Variants in NEGR1 observed in about 807,000 individuals in gnomAD.
The protein encoded by NEGR1 is neuronal growth regulator 1.
A neutral mutation model predicts 40.9 loss-of-function variants in NEGR1; 10 were observed. That is an observed-to-expected ratio of 0.24 (90% CI 0.15 to 0.42). NEGR1 has a LOEUF of 0.42. NEGR1 is among the 10% of genes least tolerant of loss of function. The pLI is 1.00. For missense variants in NEGR1, 352 were observed against 438.9 expected, an observed-to-expected ratio of 0.80 and a Z score of 1.77; for synonymous variants, 185 against 166.8, an observed-to-expected ratio of 1.11 and a Z score of -0.84.
intron 1 of NEGR1, among the ~76,000 whole-genome samples, chr1:72,089,231 A>G (rs974742375): frequency 1.3e-5 from 2 of 152,108 alleles, no homozygotes; most frequent in Admixed American, 1.3e-4. Context: ...CCATGATGGA[A>G]CCACTAGCTA....
At chr1:72,134,407 T>G (rs533301964) in intron 1 of NEGR1, among the ~76,000 whole-genome samples, 1 of 152,006 alleles carries the variant, frequency 6.6e-6, no homozygotes, top group Non-Finnish European at 1.5e-5. Context: ...GGTTTCACCG[T>G]GTTAGCCAGG....
At chr1:71,916,819 C>G (rs1490495416) in intron 2 of NEGR1, among the ~76,000 whole-genome samples, 1 of 152,108 alleles carries the variant, frequency 6.6e-6, no homozygotes, top group East Asian at 1.9e-4. Flanking sequence ...GTGCATAGTA[C>G]TCTAACTTAT....
chr1:71,932,211 A>AT (rs1276540781), intron 2 of NEGR1, among the ~76,000 whole-genome samples: 1 of 152,006 alleles, frequency 6.6e-6, no homozygotes, highest in Non-Finnish European at 1.5e-5. Flanking sequence ...GTTATAAAAT[A>AT]TTTTTCTTTT....
At chr1:71,582,119 A>G (rs1326558153) in intron 6 of NEGR1, among the ~76,000 whole-genome samples, 2 of 152,206 alleles carry the variant, frequency 1.3e-5, no homozygotes, top group African/African-American at 4.8e-5. Context: ...ACATTTTTGC[A>G]AGGTATACAA....
chr1:71,663,312 C>T (rs908982728), intron 4 of NEGR1, among the ~76,000 whole-genome samples: 31 of 151,996 alleles, frequency 2.0e-4, no homozygotes, highest in Admixed American at 5.2e-4. Context: ...CATATTATTG[C>T]AGCTTCTACA....
chr1:71,716,954 C>G lies in NEGR1; in HGVS notation c.536-18815G>C, dbSNP rs142509740. Among the ~76,000 whole-genome samples, 470 of 152,250 alleles carry G rather than the reference C, an allele frequency of 3.1e-3. 1 individual carries two copies. The highest frequency in any genetic ancestry group is 0.011 in the African/African-American group (450 of 41,546). ...AAACTGGGGAAGAACTGCCTCCCCCCACCATCCAACACACACACCTTGTTC... is the reference window on the plus strand; with the variant it reads ...AAACTGGGGAAGAACTGCCTCCCCCGACCATCCAACACACACACCTTGTTC... On this transcript the variant is annotated intron_variant, in intron 3 of 6. Transcript: ENST00000357731.
chr1:71,563,655 C>T (rs1408808403), intron 6 of NEGR1, among the ~76,000 whole-genome samples: 4 of 151,680 alleles, frequency 2.6e-5, no homozygotes, highest in Non-Finnish European at 4.4e-5. Flanking sequence ...ATTTTTTTGT[C>T]GTTGTTATAT....
chr1:71,656,388 A>ATTGT (rs890008166), intron 4 of NEGR1, among the ~76,000 whole-genome samples: 1 of 151,830 alleles, frequency 6.6e-6, no homozygotes, highest in Non-Finnish European at 1.5e-5. Context: ...GGCTTTTTAC[A>ATTGT]TTGTTTGTTT....
intron 4 of NEGR1, among the ~76,000 whole-genome samples, chr1:71,647,307 C>G (rs565597748): frequency 6.6e-6 from 1 of 151,684 alleles, no homozygotes; most frequent in Non-Finnish European, 1.5e-5. Context: ...TTTTTCCAGC[C>G]CAGGGGTCCT....
chr1:71,615,678 A>G (rs1335668557), intron 4 of NEGR1, among the ~76,000 whole-genome samples: 1 of 152,196 alleles, frequency 6.6e-6, no homozygotes, highest in Non-Finnish European at 1.5e-5. Flanking sequence ...CAGATTCTAT[A>G]GGGTCTAGTA....
chr1:72,016,608 G>T (rs1431659329), intron 1 of NEGR1, among the ~76,000 whole-genome samples: 4 of 152,174 alleles, frequency 2.6e-5, no homozygotes, highest in African/African-American at 4.8e-5. Flanking sequence ...ACCCTTAAAT[G>T]CTGAGATCTT....
At chr1:71,587,803 A>G (rs1385328150) in intron 6 of NEGR1, among the ~76,000 whole-genome samples, 1 of 152,024 alleles carries the variant, frequency 6.6e-6, no homozygotes, top group Non-Finnish European at 1.5e-5. Context: ...CATCATAGCA[A>G]TATTATCATT....
At chr1:71,499,455 T>C (rs1646985355) in intron 6 of NEGR1, among the ~76,000 whole-genome samples, 2 of 147,944 alleles carry the variant, frequency 1.4e-5, no homozygotes, top group East Asian at 2.0e-4. Flanking sequence ...TATATAATTA[T>C]ATATAAAATG....
intron 3 of NEGR1, among the ~76,000 whole-genome samples, chr1:71,774,570 CATT>C (rs1489261494): frequency 6.6e-6 from 1 of 152,000 alleles, no homozygotes; most frequent in African/African-American, 2.4e-5. Context: ...TTAAAGAAAA[CATT>C]AGCAGATAAA....
chr1:72,065,885 A>G (rs1647260248), intron 1 of NEGR1, among the ~76,000 whole-genome samples: 1 of 152,104 alleles, frequency 6.6e-6, no homozygotes, highest in South Asian at 2.1e-4. Context: ...GAGGTTATTA[A>G]ATGATGTGTT....
chr1:71,971,957 T>C lies in NEGR1; in HGVS notation c.177-36646A>G, dbSNP rs150886203. Among the ~76,000 whole-genome samples the C allele has an allele frequency of 3.4e-3, 522 of 152,368 alleles. 3 individuals carry two copies. Among genetic ancestry groups the C allele is most frequent in the Admixed American group, 6.0e-3 (92 of 15,308 alleles). On this transcript the variant is annotated intron_variant, in intron 1 of 6. Transcript: ENST00000357731. ...TTCAAAAGGTACTCACATTTCAATA[T>C]AATTCTCTTGAGACTGTTTTTAGGA...
chr1:71,867,496 CT>C (rs955915817), intron 2 of NEGR1, among the ~76,000 whole-genome samples: 5 of 152,060 alleles, frequency 3.3e-5, no homozygotes, highest in Non-Finnish European at 7.4e-5. Flanking sequence ...GAAATAAATA[CT>C]AAAAAGATAT....
At chr1:71,445,416 T>TA (rs200160477) in intron 6 of NEGR1, among the ~76,000 whole-genome samples, 2,515 of 143,314 alleles carry the variant, frequency 0.018, 32 homozygotes, top group Admixed American at 0.032. Context: ...CCCTAGAGAT[T>TA]AAAAAAAAAA....
intron 1 of NEGR1, among the ~76,000 whole-genome samples, chr1:72,055,351 T>C (rs948345685): frequency 6.6e-6 from 1 of 151,186 alleles, no homozygotes; most frequent in Non-Finnish European, 1.5e-5. Flanking sequence ...TCAATAAAAT[T>C]ACTCCCTTAT....
Sources: allele counts gnomAD v4.1 joint callset (sites outside exome capture counted in the v4.1 genomes callset), GRCh38; gene constraint gnomAD v4.1.1; transcripts MANE v1.5; gene names NCBI Gene and HGNC (gene_info 2026-07-23, HGNC 2026-07-21).